FHIT: variants seen among roughly 807,000 people sequenced by gnomAD.
The protein encoded by FHIT is fragile histidine triad diadenosine triphosphatase, also known as bis(5'-adenosyl)-triphosphatase.
In FHIT, 19 loss-of-function variants were observed where a neutral mutation model predicts 17.9. That is an observed-to-expected ratio of 1.06 (90% CI 0.74 to 1.56). The LOEUF is 1.56. Among genes scored for constraint, FHIT ranks in the 40% most tolerant of loss-of-function variants. The probability of loss-of-function intolerance (pLI) is 0.00; values close to 1 mark genes in which losing one functional copy is unlikely to be tolerated. For missense variants in FHIT, 248 were observed against 189.2 expected (o/e 1.31, Z -1.82); for synonymous variants, 81 against 69.7 (o/e 1.16, Z -0.81).
intron 3 of FHIT, among the ~76,000 whole-genome samples, chr3:60,962,338 G>T (rs529333050): frequency 6.6e-6 from 1 of 152,194 alleles, no homozygotes; most frequent in Non-Finnish European, 1.5e-5. Context: ...GGGCTGAGAT[G>T]ATGGGGATTT....
chr3:60,521,366 A>G (rs55757746), intron 5 of FHIT, among the ~76,000 whole-genome samples: 21,238 of 151,898 alleles, frequency 0.14, 1,689 homozygotes, highest in South Asian at 0.21. Context: ...TCCTGCCTCA[A>G]CCTCCCGAGT....
intron 5 of FHIT, among the ~76,000 whole-genome samples, chr3:60,173,229 A>C (rs879258292): frequency 2.0e-5 from 3 of 152,120 alleles, no homozygotes; most frequent in Non-Finnish European, 2.9e-5. Context: ...GCAGGGACCC[A>C]CCATTCCCAG....
At chr3:60,748,727 G>T (rs1195844439) in intron 4 of FHIT, among the ~76,000 whole-genome samples, 5 of 152,118 alleles carry the variant, frequency 3.3e-5, no homozygotes, top group African/African-American at 1.2e-4. Context: ...CAGGAGAAAT[G>T]CTTGAACCCG....
chr3:60,276,893 C>T (rs147948031), intron 5 of FHIT, among the ~76,000 whole-genome samples: 2 of 152,248 alleles, frequency 1.3e-5, no homozygotes, highest in East Asian at 1.9e-4. Flanking sequence ...AACAAACTCA[C>T]TCATTACTGC....
At chr3:61,153,516 A>C (rs2037453845) in intron 2 of FHIT, among the ~76,000 whole-genome samples, 1 of 152,206 alleles carries the variant, frequency 6.6e-6, no homozygotes, top group African/African-American at 2.4e-5. Context: ...TAAACATCTA[A>C]TGTCTTGGGC....
At chr3:60,366,014 T>C (rs6786100) in intron 5 of FHIT, among the ~76,000 whole-genome samples, 105,203 of 152,040 alleles carry the variant, frequency 0.69, 37,045 homozygotes, top group African/African-American at 0.83. Context: ...CAAAATAAAA[T>C]ATATGCCTGA....
At chr3:59,945,330 A>G (rs1706746055) in intron 7 of FHIT, among the ~76,000 whole-genome samples, 1 of 152,086 alleles carries the variant, frequency 6.6e-6, no homozygotes, top group Non-Finnish European at 1.5e-5. Context: ...TTCTTTTGAG[A>G]AGTATCTGTT....
chr3:59,944,665 G>A (rs560999690), intron 7 of FHIT, among the ~76,000 whole-genome samples: 20 of 151,946 alleles, frequency 1.3e-4, no homozygotes, highest in East Asian at 9.7e-4. Context: ...TCTTTGATCC[G>A]CTCCCTTCAC....
intron 3 of FHIT, among the ~76,000 whole-genome samples, chr3:60,968,700 C>T (rs945673330): frequency 5.3e-5 from 8 of 152,082 alleles, no homozygotes; most frequent in African/African-American, 1.4e-4. Context: ...CCGCCCTGCC[C>T]GGCCCCTGCT....
intron 5 of FHIT, among the ~76,000 whole-genome samples, chr3:60,533,154 C>G (rs2035848820): frequency 6.6e-6 from 1 of 152,158 alleles, no homozygotes; most frequent in African/African-American, 2.4e-5. Flanking sequence ...CGCTTGTAAA[C>G]AGAATTGTAA....
At chr3:60,981,646 T>C (rs2107555959) in intron 3 of FHIT, among the ~76,000 whole-genome samples, 1 of 152,208 alleles carries the variant, frequency 6.6e-6, no homozygotes, top group Non-Finnish European at 1.5e-5. Context: ...TCTTGCTCTG[T>C]TGCCAGTACT....
chr3:60,460,053 T>G (rs2032359913), intron 5 of FHIT, among the ~76,000 whole-genome samples: 1 of 152,176 alleles, frequency 6.6e-6, no homozygotes, highest in African/African-American at 2.4e-5. Context: ...CACTACTTCT[T>G]ATAGTCCTCC....
At chr3:60,939,025 G>A (rs550545030) in intron 3 of FHIT, among the ~76,000 whole-genome samples, 1 of 152,210 alleles carries the variant, frequency 6.6e-6, no homozygotes, top group African/African-American at 2.4e-5. Flanking sequence ...ATACATCTTA[G>A]GTTGTCCATA....
intron 4 of FHIT, among the ~76,000 whole-genome samples, chr3:60,597,809 G>T (rs1341133647): frequency 6.6e-6 from 1 of 152,116 alleles, no homozygotes; most frequent in Non-Finnish European, 1.5e-5. Flanking sequence ...AGTTCAAAAT[G>T]ACCAAGCTAT....
intron 5 of FHIT, among the ~76,000 whole-genome samples, chr3:60,341,494 A>G (rs542772459): frequency 2.7e-4 from 41 of 152,302 alleles, no homozygotes; most frequent in African/African-American, 9.6e-4. Context: ...ATCACAAATC[A>G]TAATTACTTG....
intron 7 of FHIT, among the ~76,000 whole-genome samples, chr3:59,930,579 T>A (rs1179853392): frequency 6.6e-6 from 1 of 152,124 alleles, no homozygotes; most frequent in Non-Finnish European, 1.5e-5. Flanking sequence ...CAGGCTTCAG[T>A]TCCCCCTCCG....
At chr3:60,514,249 G>A (rs2035060174) in intron 5 of FHIT, among the ~76,000 whole-genome samples, 1 of 152,238 alleles carries the variant, frequency 6.6e-6, no homozygotes, top group Non-Finnish European at 1.5e-5. Context: ...AGCTGTCTGT[G>A]GATGGCAAGG....
chr3:61,079,191 C>A (rs557379974), intron 2 of FHIT, among the ~76,000 whole-genome samples: 27 of 152,274 alleles, frequency 1.8e-4, no homozygotes, highest in Non-Finnish European at 2.6e-4. Flanking sequence ...AGTTGTACAA[C>A]TGAGATTTCA....
chr3:60,830,286 T>C (rs1438555300), intron 3 of FHIT, among the ~76,000 whole-genome samples: 1 of 152,174 alleles, frequency 6.6e-6, no homozygotes, highest in East Asian at 1.9e-4. Context: ...TTATTTTTCC[T>C]TCCCTACACT....
Sources: gnomAD v4.1 joint callset for allele counts (sites outside exome capture counted in the v4.1 genomes callset) on GRCh38, gnomAD v4.1.1 for gene constraint, MANE v1.5 for transcripts, NCBI Gene and HGNC (gene_info 2026-07-23, HGNC 2026-07-21) for gene names.